PUS10: variants seen among roughly 807,000 people sequenced by gnomAD.
The protein encoded by PUS10 is pseudouridine synthase 10.
A neutral mutation model predicts 75.0 loss-of-function variants in PUS10; 59 were observed. The observed-to-expected ratio is 0.79, with a 90% confidence interval of 0.64 to 0.98. The LOEUF is 0.98. Among genes scored for constraint, PUS10 ranks in the 50% least tolerant of loss-of-function variants. The probability of loss-of-function intolerance (pLI) is 0.00; values close to 1 mark genes in which losing one functional copy is unlikely to be tolerated. For synonymous variants in PUS10, 219 were observed against 211.6 expected, an observed-to-expected ratio of 1.03 and a Z score of -0.30; for missense variants, 650 against 614.4, an observed-to-expected ratio of 1.06 and a Z score of -0.61.
intron 4 of PUS10, among the ~76,000 whole-genome samples, chr2:60,984,191 T>C (rs532896160): frequency 1.4e-4 from 21 of 152,262 alleles, no homozygotes; most frequent in African/African-American, 4.1e-4. Context: ...CAAAGGTAAA[T>C]GGCAAATGTC....
chr2:60,943,762 T>TG (rs1674763945), intron 17 of PUS10, among the ~76,000 whole-genome samples: 2 of 146,740 alleles, frequency 1.4e-5, no homozygotes, highest in African/African-American at 5.1e-5. Flanking sequence ...GATCACAATC[T>TG]TGTGTGTGTG....
chr2:61,017,737 G>A (rs1241117454), intron 1 of PUS10: 2 of 1,544,072 alleles, frequency 1.3e-6, no homozygotes, highest in East Asian at 2.4e-5. Flanking sequence ...GGTAGGAGCG[G>A]GAGCCGAGAG....
chr2:60,974,699 G>T (rs1240707584), intron 4 of PUS10, among the ~76,000 whole-genome samples: 1 of 152,190 alleles, frequency 6.6e-6, no homozygotes, highest in African/African-American at 2.4e-5. Context: ...GCTGTTTATG[G>T]TATTTCTGGT....
intron 4 of PUS10, among the ~76,000 whole-genome samples, chr2:60,992,454 T>C (rs561644866): frequency 6.6e-6 from 1 of 152,238 alleles, no homozygotes; most frequent in Non-Finnish European, 1.5e-5. Context: ...ATTTCTGTGA[T>C]GCTTTCAGAA....
chr2:60,965,209 G>C (rs1676260918), intron 7 of PUS10, 106 bp from the exon 8 acceptor site: 3 of 1,178,018 alleles, frequency 2.5e-6, no homozygotes, highest in Non-Finnish European at 2.5e-6. Context: ...AGGACATCAG[G>C]AGCAGACAAA....
At chr2:61,008,382 G>C (rs1558995545) in intron 3 of PUS10, among the ~76,000 whole-genome samples, 1 of 151,670 alleles carries the variant, frequency 6.6e-6, no homozygotes, top group Non-Finnish European at 1.5e-5. Flanking sequence ...AATTAGCCAG[G>C]CATGAGGCTG....
intron 2 of PUS10, among the ~76,000 whole-genome samples, chr2:61,011,203 ATGCAAAAAAG>A (rs1482410273): frequency 4.6e-5 from 7 of 152,326 alleles, no homozygotes; most frequent in Non-Finnish European, 1.0e-4. Context: ...TACATATCTT[ATGCAAAAAAG>A]TGTTATATTA....
intron 4 of PUS10, among the ~76,000 whole-genome samples, chr2:60,991,913 C>A (rs968528728): frequency 6.6e-6 from 1 of 152,122 alleles, no homozygotes; most frequent in African/African-American, 2.4e-5. Flanking sequence ...GTAGGGGACA[C>A]CTCCCTGGGG....
At chr2:60,999,977 A>C (rs1337726500) in intron 4 of PUS10, among the ~76,000 whole-genome samples, 1 of 152,210 alleles carries the variant, frequency 6.6e-6, no homozygotes, top group Non-Finnish European at 1.5e-5. Flanking sequence ...AGTTATATGC[A>C]AATAGTATAC....
At chr2:61,005,570 G>A (rs9309333) in intron 4 of PUS10, among the ~76,000 whole-genome samples, 34,068 of 152,086 alleles carry the variant, frequency 0.22, 4,045 homozygotes, top group Middle Eastern at 0.33. Context: ...GCTTTCGGAA[G>A]TCTGTTTCTC....
chr2:60,947,778 G>C (rs142602526), intron 16 of PUS10, among the ~76,000 whole-genome samples: 5 of 141,994 alleles, frequency 3.5e-5, no homozygotes, highest in Non-Finnish European at 6.0e-5. Flanking sequence ...GCAGTAAGCC[G>C]AGATGGCGCC....
chr2:60,965,530 C>T, intron 6 of PUS10, 46 bp from the exon 7 acceptor site: 1 of 1,258,794 alleles, frequency 7.9e-7, no homozygotes, highest in East Asian at 2.4e-5. Context: ...AGGAAACTAA[C>T]ATCTAACAAC....
At position 60,959,418 on chromosome 2, in the gene PUS10, T is replaced by A. The variant is rs116583168; in HGVS notation, c.1000+974A>T. Among the ~76,000 whole-genome samples the A allele has an allele frequency of 9.8e-3, 1,485 of 152,246 alleles. 19 individuals are homozygous for A. Among genetic ancestry groups the A allele is most frequent in the African/African-American group, 0.034 (1,395 of 41,542 alleles). ...TTATTTTTTATTTTTTTAGGCAGAG[T>A]CTCACTCTTTCGTCCAGGCTGGAGT... On this transcript the variant is annotated intron_variant, in intron 11 of 17. Coordinates refer to ENST00000316752, the MANE Select transcript of PUS10 (RefSeq NM_144709.4).
Position 60,948,203 on chromosome 2 carries a change from A to T in PUS10, c.1309-18T>A, listed in dbSNP as rs748478552. ...TTTAAGTCCTAGGGGAGAATATGAC[A>T]CACAGTCCCAGAGTCAGAGCTTTGC... On this transcript the variant is annotated intron_variant, in intron 15 of 17. Coordinates refer to ENST00000316752, the MANE Select transcript of PUS10 (RefSeq NM_144709.4). 1.2e-5 allele frequency: 20 copies of T among 1,613,568 alleles called. No individual in the cohort carries two copies. Among genetic ancestry groups the T allele is most frequent in the Admixed American group, 5.0e-5 (3 of 60,026 alleles).
chr2:61,004,297 A>C (rs1187120261), intron 4 of PUS10, among the ~76,000 whole-genome samples: 2 of 152,182 alleles, frequency 1.3e-5, no homozygotes, highest in Non-Finnish European at 2.9e-5. Context: ...GCATATCTCA[A>C]CTCCAAAGAA....
Position 60,960,445 on chromosome 2 carries a change from G to A in PUS10, c.947C>T (p.Ser316Phe), listed in dbSNP as rs772733477. The A allele has an allele frequency of 1.8e-5, 29 of 1,575,544 alleles. No homozygotes were observed. The highest frequency in any genetic ancestry group is 2.5e-5 in the Non-Finnish European group (29 of 1,165,560). The change falls in exon 11 of 18, where the codon TCT becomes TTT. Residue 316 changes from serine (S) to phenylalanine (F), a missense_variant. By Grantham distance (155) the Ser-to-Phe change is radical (BLOSUM62 -2). Coordinates refer to ENST00000316752, the MANE Select transcript of PUS10 (RefSeq NM_144709.4). ...WIIDGERKLE[S>F]SVEELISDHL... The stretch of plus-strand genomic sequence containing the variant: ...ATCTGAAATTAATTCTTCCACTGAA[G>A]ATTCCAGCTTCCTTTCTCCATCAAT...
rs1403808180 is a variant in PUS10 at position 60,941,418 on chromosome 2, C to T, written c.*977G>A. The T allele has an allele frequency of 6.6e-6, 1 of 152,216 alleles. No individual in the cohort carries two copies. Among genetic ancestry groups the T allele is most frequent in the Non-Finnish European group, 1.5e-5 (1 of 67,982 alleles). 9.4% of individuals were successfully genotyped at this position (152,216 alleles called of 1,614,324 possible). A position where few individuals can be genotyped will look rare whatever the true frequency, so the allele number is the denominator to read the frequency against. ...GGGCTTATTAGAAAGACCCTAGAAA[C>T]CAAGAAACTTCAGTTCTAGTCCTCA... On this transcript the variant is annotated 3_prime_UTR_variant, in exon 18 of 18. Transcript: ENST00000316752.
Position 60,945,078 on chromosome 2 carries a change from G to T in PUS10, c.1482C>A (p.Phe494Leu). The change falls in exon 17 of 18, where the codon TTC becomes TTA. Residue 494 changes from phenylalanine (F) to leucine (L), a missense_variant. Coordinates refer to ENST00000316752, the MANE Select transcript of PUS10 (RefSeq NM_144709.4). ...ACCCAATGTTTGGCTTGGTTCTCCC[G>T]AAGTCTCCATGTACAAACTCTTTAA... ...TYIKEFVHGD[F>L]GRTKPNIGSL... is the part of the protein sequence containing the mutation. 1 of 1,613,852 alleles carries T rather than the reference G, an allele frequency of 6.2e-7. No homozygotes were observed. Among genetic ancestry groups the T allele is most frequent in the Non-Finnish European group, 8.5e-7 (1 of 1,179,770 alleles).
At position 60,948,153 on chromosome 2, in the gene PUS10, G is replaced by C; in HGVS notation, c.1341C>G (p.Arg447=). The C allele has an allele frequency of 6.2e-7, 1 of 1,614,124 alleles. No individual in the cohort carries two copies. The highest frequency in any genetic ancestry group is 1.1e-5 in the South Asian group (1 of 91,088). ...CAGCCAGGGGCCTTCGGTGAAGGAC[G>C]CGCAAAGGTGTTTTCTGGTCGATTT... ...DLKIDQKTPL[R]VLHRRPLAVR... Residue 447 remains arginine, a synonymous_variant, in exon 16 of 18, where the codon CGC becomes CGG. Coordinates refer to ENST00000316752, the MANE Select transcript of PUS10 (RefSeq NM_144709.4).
Sources: allele counts gnomAD v4.1 joint callset (sites outside exome capture counted in the v4.1 genomes callset), GRCh38; gene constraint gnomAD v4.1.1; transcripts MANE v1.5; gene names NCBI Gene and HGNC (gene_info 2026-07-23, HGNC 2026-07-21).